The following DPY19L1 variants were observed in gnomAD, a reference collection of about 807,000 sequenced individuals.
The protein encoded by DPY19L1 is protein C-mannosyl-transferase DPY19L1.
In DPY19L1, 35 loss-of-function variants were observed where a neutral mutation model predicts 96.9. That is an observed-to-expected ratio of 0.36 (90% CI 0.28 to 0.48). The LOEUF (loss-of-function observed/expected upper bound fraction) is 0.48. DPY19L1 is among the 20% of genes least tolerant of loss of function. The probability of loss-of-function intolerance (pLI) is 0.99; values close to 1 mark genes in which losing one functional copy is unlikely to be tolerated. For synonymous variants in DPY19L1, 205 were observed against 252.6 expected (o/e 0.81, Z 1.79); for missense variants, 521 against 777.9 (o/e 0.67, Z 3.93).
intron 7 of DPY19L1, among the ~76,000 whole-genome samples, chr7:34,982,666 G>A (rs2128670590): frequency 6.6e-6 from 1 of 152,340 alleles, no homozygotes; most frequent in South Asian, 2.1e-4. Context: ...GCCATAGGCA[G>A]AGAGTCTTTG....
At chr7:34,948,826 T>C (rs1784208173) in intron 14 of DPY19L1, among the ~76,000 whole-genome samples, 1 of 152,216 alleles carries the variant, frequency 6.6e-6, no homozygotes, top group Non-Finnish European at 1.5e-5. Flanking sequence ...TCAAAACCAT[T>C]TGCCGGAACA....
intron 18 of DPY19L1, among the ~76,000 whole-genome samples, chr7:34,941,380 AT>A (rs1299821928): frequency 1.3e-5 from 2 of 152,236 alleles, no homozygotes; most frequent in East Asian, 3.8e-4. Context: ...TGAAAAAAAA[AT>A]AAGTTTGATA....
At chr7:34,973,355 TTTTTG>T (rs1784766432) in intron 8 of DPY19L1, among the ~76,000 whole-genome samples, 154 bp downstream of exon 8, 1 of 152,202 alleles carries the variant, frequency 6.6e-6, no homozygotes, top group Admixed American at 6.5e-5. Flanking sequence ...AGAAGAAATG[TTTTTG>T]ATACTATTTT....
chr7:34,981,522 G>C (rs1784939208), intron 7 of DPY19L1, among the ~76,000 whole-genome samples: 1 of 152,200 alleles, frequency 6.6e-6, no homozygotes, highest in Non-Finnish European at 1.5e-5. Context: ...TTTTATAATA[G>C]AGACATGACA....
chr7:35,020,348 C>A (rs976368025), intron 1 of DPY19L1, among the ~76,000 whole-genome samples: 2 of 152,104 alleles, frequency 1.3e-5, no homozygotes, highest in East Asian at 3.9e-4. Flanking sequence ...AGAATTTACA[C>A]GTTTACAATA....
chr7:35,004,819 T>C (rs2128676449), intron 6 of DPY19L1, among the ~76,000 whole-genome samples: 1 of 152,308 alleles, frequency 6.6e-6, no homozygotes, highest in South Asian at 2.1e-4. Flanking sequence ...TTGCATGGGA[T>C]ACAATAAACA....
chr7:34,979,639 C>A (rs564221687), intron 7 of DPY19L1, among the ~76,000 whole-genome samples: 5 of 151,980 alleles, frequency 3.3e-5, no homozygotes, highest in African/African-American at 1.2e-4. Context: ...GTTTCTGGAA[C>A]CTTTTTGAGT....
intron 8 of DPY19L1, among the ~76,000 whole-genome samples, chr7:34,970,476 T>C (rs1482404514): frequency 6.6e-6 from 1 of 152,180 alleles, no homozygotes; most frequent in African/African-American, 2.4e-5. Flanking sequence ...TATATGACTA[T>C]ATCCTACTTA....
At chr7:34,940,042 AAG>A in intron 19 of DPY19L1, 109 bp downstream of exon 19, 1 of 954,744 alleles carries the variant, frequency 1.0e-6, no homozygotes, top group Non-Finnish European at 1.4e-6. Context: ...ATTGCATAGA[AAG>A]AGTGAGATCA....
intron 1 of DPY19L1, among the ~76,000 whole-genome samples, chr7:35,019,504 AAAAG>A (rs1217728138): frequency 1.3e-5 from 2 of 151,950 alleles, no homozygotes; most frequent in Non-Finnish European, 2.9e-5. Context: ...AGAAGAAGGA[AAAAG>A]AAAGAAGAAG....
At position 34,958,031 on chromosome 7, in the gene DPY19L1, A is replaced by G. The variant is rs1216138285; in HGVS notation, c.1132T>C (p.Ser378Pro). The G allele has an allele frequency of 6.3e-7, 1 of 1,589,578 alleles. No individual in the cohort carries two copies. Among genetic ancestry groups the G allele is most frequent in the Non-Finnish European group, 8.5e-7 (1 of 1,173,250 alleles). ...ALCFVLMFGN[S>P]MLLTSYYASS... ...GCATAATAAGAAGTTAATAACATTG[A>G]GTTCCCAAACATCAAAACAAAACAA... The change falls in exon 11 of 22, where the codon TCA becomes CCA. Residue 378 changes from serine (S) to proline (P), a missense_variant. Ser to Pro is a moderately conservative substitution (Grantham distance 74). Transcript: ENST00000638088.
chr7:35,005,506 A>C (rs1195353402), intron 6 of DPY19L1, among the ~76,000 whole-genome samples: 3 of 151,552 alleles, frequency 2.0e-5, no homozygotes, highest in Non-Finnish European at 1.5e-5. Flanking sequence ...GTCCAATTAA[A>C]AAGTTTTATT....
chr7:35,009,988 G>C (rs752752548), intron 6 of DPY19L1, among the ~76,000 whole-genome samples: 26 of 152,114 alleles, frequency 1.7e-4, no homozygotes, highest in African/African-American at 4.1e-4. Context: ...CCAGCACTTT[G>C]GAAGCTGAGA....
At chr7:34,997,217 TC>T (rs1446339732) in intron 6 of DPY19L1, among the ~76,000 whole-genome samples, 1 of 151,750 alleles carries the variant, frequency 6.6e-6, no homozygotes, top group Non-Finnish European at 1.5e-5. Flanking sequence ...AAAATACTTA[TC>T]TTTTAAATAT....
chr7:34,957,389 AAAAC>A (rs1181020012), intron 11 of DPY19L1, among the ~76,000 whole-genome samples: 11 of 151,794 alleles, frequency 7.2e-5, no homozygotes, highest in East Asian at 5.8e-4. Context: ...AAAACAAAAC[AAAAC>A]AAACAAACAA....
At chr7:34,979,644 T>C (rs1367872929) in intron 7 of DPY19L1, among the ~76,000 whole-genome samples, 3 of 152,092 alleles carry the variant, frequency 2.0e-5, no homozygotes, top group South Asian at 2.1e-4. Flanking sequence ...TGGAACCTTT[T>C]TGAGTTTGAA....
At chr7:34,969,013 G>A (rs553578594) in intron 9 of DPY19L1, among the ~76,000 whole-genome samples, 3 of 152,090 alleles carry the variant, frequency 2.0e-5, no homozygotes, top group East Asian at 1.9e-4. Context: ...AATCCTATGT[G>A]TCTTTATTCT....
chr7:34,972,556 T>A (rs1197515701), intron 8 of DPY19L1, among the ~76,000 whole-genome samples: 1 of 152,050 alleles, frequency 6.6e-6, no homozygotes, highest in Non-Finnish European at 1.5e-5. Flanking sequence ...CGGTCAAGAA[T>A]GTGAATGTGG....
At chr7:34,969,142 G>T (rs10951430) in intron 9 of DPY19L1, among the ~76,000 whole-genome samples, 1 of 151,774 alleles carries the variant, frequency 6.6e-6, no homozygotes, top group South Asian at 2.1e-4. Flanking sequence ...AGCACTTAAC[G>T]ATACTGAATA....
Sources: gnomAD v4.1 joint callset for allele counts (sites outside exome capture counted in the v4.1 genomes callset) on GRCh38, gnomAD v4.1.1 for gene constraint, MANE v1.5 for transcripts, NCBI Gene and HGNC (gene_info 2026-07-23, HGNC 2026-07-21) for gene names.